Variants in CDH6 observed in about 807,000 individuals in gnomAD.
CDH6 encodes the protein cadherin-6.
A neutral mutation model predicts 78.0 loss-of-function variants in CDH6; 31 were observed. The ratio of observed to expected loss-of-function variants is 0.40; its 90% CI spans 0.30 to 0.54. The LOEUF is 0.54. Ranked by LOEUF, CDH6 falls within the 20% of genes least tolerant of loss-of-function variation. The probability of loss-of-function intolerance (pLI) is 0.56; values close to 1 mark genes in which losing one functional copy is unlikely to be tolerated. For synonymous variants in CDH6, 376 were observed against 368.8 expected (o/e 1.02, Z -0.23); for missense variants, 724 against 975.9 (o/e 0.74, Z 3.44).
At chr5:31,220,131 C>T (rs1482646436) in intron 1 of CDH6, among the ~76,000 whole-genome samples, 1 of 152,176 alleles carries the variant, frequency 6.6e-6, no homozygotes, top group African/African-American at 2.4e-5. Context: ...TTATATTTTT[C>T]TGTGACACAT....
chr5:31,314,541 A>G (rs138708926), intron 8 of CDH6, among the ~76,000 whole-genome samples: 204 of 152,118 alleles, frequency 1.3e-3, no homozygotes, highest in Middle Eastern at 0.01. Flanking sequence ...AATAGTAACC[A>G]ATATGGGCAA....
intron 1 of CDH6, among the ~76,000 whole-genome samples, chr5:31,255,051 G>A (rs1742019564): frequency 6.6e-6 from 1 of 151,854 alleles, no homozygotes; most frequent in Admixed American, 6.5e-5. Context: ...ATAATTAAAG[G>A]GCCACATTAC....
At position 31,322,798 on chromosome 5, in the gene CDH6, GT is replaced by G. The variant is rs1738505442; in HGVS notation, c.1883-16del. On this transcript the variant is annotated intron_variant, in intron 11 of 11. Coordinates refer to ENST00000265071, the MANE Select transcript of CDH6 (RefSeq NM_004932.4). Reference sequence around the variant, plus strand: ...CAAATTAACTTTTCCTTCCCTTTCTGTTTTGTTTTCTGCTTCCAGTGACAGT... The same window carrying G: ...CAAATTAACTTTTCCTTCCCTTTCTGTTTGTTTTCTGCTTCCAGTGACAGT... 6.3e-7 allele frequency: 1 copy of G among 1,594,474 alleles called. No individual in the cohort carries two copies. The highest frequency in any genetic ancestry group is 1.7e-5 in the Admixed American group (1 of 57,192).
At chr5:31,267,818 C>A in intron 2 of CDH6, 117 bp downstream of exon 2, 1 of 754,042 alleles carries the variant, frequency 1.3e-6, no homozygotes, top group Non-Finnish European at 2.1e-6. Flanking sequence ...TGTTGCTTAA[C>A]TGGTAAGACT....
intron 1 of CDH6, among the ~76,000 whole-genome samples, chr5:31,225,891 A>G (rs965117594): frequency 5.9e-5 from 9 of 152,176 alleles, no homozygotes; most frequent in Admixed American, 6.5e-5. Flanking sequence ...CACAGAGGTT[A>G]AATAACTCTC....
chr5:31,265,774 T>TG lies in CDH6; in HGVS notation c.-128-1572_-128-1571insG, dbSNP rs1421943218. Among the ~76,000 whole-genome samples the TG allele has an allele frequency of 1.1e-4, 14 of 132,402 alleles. No homozygotes were observed. The South Asian group carries it at 2.5e-3, about 24-fold the overall frequency. The allele number at this position is 132,402 out of a possible 152,430, so 86.9% of individuals were successfully genotyped here. ...TTAGTATTATTTAAGACAATGTTTT[T>TG]TTTTTTTTTTTTTTTTTTGAGATGG... On this transcript the variant is annotated intron_variant, in intron 1 of 11. Transcript: ENST00000265071.
In CDH6 at chr5:31,297,394, T is replaced by C. The variant is rs747791486; in HGVS notation, c.629T>C (p.Val210Ala). 3 of 1,607,618 alleles carry C rather than the reference T, an allele frequency of 1.9e-6. No homozygotes were observed. Among genetic ancestry groups the C allele is most frequent in the South Asian group, 1.1e-5 (1 of 89,660 alleles). Residue 210 changes from valine (V) to alanine (A), a missense_variant, in exon 4 of 12, where the codon GTT becomes GCT. Val to Ala is a moderately conservative substitution (Grantham distance 64, BLOSUM62 0). Transcript: ENST00000265071. ...CTACAGGGACAGCCCTATTTTTCAG[T>C]TGAATCAGAAACAGGTTAGACTTTT... ...SILQGQPYFS[V>A]ESETGIIKTA...
intron 1 of CDH6, among the ~76,000 whole-genome samples, chr5:31,252,755 G>T (rs1331433292): frequency 6.6e-6 from 1 of 151,026 alleles, no homozygotes; most frequent in Non-Finnish European, 1.5e-5. Flanking sequence ...ATAGAAAAAA[G>T]AGCTTTTTGT....
intron 1 of CDH6, among the ~76,000 whole-genome samples, chr5:31,262,519 T>C (rs1742237712): frequency 6.6e-6 from 1 of 152,212 alleles, no homozygotes; most frequent in African/African-American, 2.4e-5. Flanking sequence ...GCCTTTTACG[T>C]CCACTGCTAA....
At chr5:31,269,700 C>G (rs1344278356) in intron 2 of CDH6, among the ~76,000 whole-genome samples, 1 of 152,196 alleles carries the variant, frequency 6.6e-6, no homozygotes, top group Non-Finnish European at 1.5e-5. Flanking sequence ...AGGTAATTAA[C>G]AAAGCTCAGT....
intron 2 of CDH6, among the ~76,000 whole-genome samples, chr5:31,278,343 T>C (rs1742759121): frequency 6.6e-6 from 1 of 152,158 alleles, no homozygotes. Context: ...TCAAGCTTCC[T>C]TAGTGCAAAA....
At chr5:31,272,545 TAG>T (rs1401455878) in intron 2 of CDH6, among the ~76,000 whole-genome samples, 2 of 152,206 alleles carry the variant, frequency 1.3e-5, no homozygotes, top group Non-Finnish European at 2.9e-5. Context: ...CAGGTAGACG[TAG>T]ATACAGATTA....
At chr5:31,241,403 G>A (rs1350633675) in intron 1 of CDH6, among the ~76,000 whole-genome samples, 1 of 152,222 alleles carries the variant, frequency 6.6e-6, no homozygotes, top group African/African-American at 2.4e-5. Context: ...CCTCATGGAT[G>A]GAATATAGGA....
intron 2 of CDH6, among the ~76,000 whole-genome samples, chr5:31,273,734 GAA>G (rs34127716): frequency 6.6e-6 from 1 of 151,890 alleles, no homozygotes; most frequent in African/African-American, 2.4e-5. Context: ...CAAAGGTAGA[GAA>G]AAAAAAATTT....
chr5:31,307,732 A>C (rs1357062342), intron 7 of CDH6, among the ~76,000 whole-genome samples: 1 of 152,218 alleles, frequency 6.6e-6, no homozygotes, highest in Non-Finnish European at 1.5e-5. Flanking sequence ...GAAGTTTACA[A>C]ATATGAGCTT....
At chr5:31,276,225 G>C (rs1002774071) in intron 2 of CDH6, among the ~76,000 whole-genome samples, 1 of 149,972 alleles carries the variant, frequency 6.7e-6, no homozygotes, top group South Asian at 2.1e-4. Context: ...AAGAAAATTA[G>C]AGCTTTTTTA....
chr5:31,227,925 A>T (rs997645135), intron 1 of CDH6, among the ~76,000 whole-genome samples: 3 of 152,208 alleles, frequency 2.0e-5, no homozygotes, highest in Non-Finnish European at 2.9e-5. Context: ...CCACAAAACA[A>T]TACAAACTTA....
At chr5:31,248,676 A>T (rs1265663555) in intron 1 of CDH6, among the ~76,000 whole-genome samples, 3 of 152,096 alleles carry the variant, frequency 2.0e-5, no homozygotes, top group African/African-American at 7.2e-5. Context: ...ACCATCATAA[A>T]GCAATATTAA....
chr5:31,250,936 G>C (rs1018293061), intron 1 of CDH6: 1 of 152,460 alleles, frequency 6.6e-6, no homozygotes, highest in African/African-American at 2.4e-5. Flanking sequence ...CACAGGAAAA[G>C]GTCCCTCCAC....
Sources: allele counts gnomAD v4.1 joint callset (sites outside exome capture counted in the v4.1 genomes callset), GRCh38; gene constraint gnomAD v4.1.1; transcripts MANE v1.5; gene names NCBI Gene and HGNC (gene_info 2026-07-23, HGNC 2026-07-21).